Variants in TPO observed in about 807,000 individuals in gnomAD.
TPO encodes the protein thyroid microsomal antigen.
TPO carries 78 observed loss-of-function variants against 96.9 expected under a neutral mutation model. The observed-to-expected ratio is 0.81, with a 90% CI of 0.67 to 0.97. The LOEUF is 0.97. Among genes scored for constraint, TPO ranks in the 50% least tolerant of loss-of-function variants. The probability of loss-of-function intolerance (pLI) is 0.00; values close to 1 mark genes in which losing one functional copy is unlikely to be tolerated. For missense variants in TPO, 1,252 were observed against 1,274.8 expected (o/e 0.98, Z 0.27); for synonymous variants, 547 against 538.0 (o/e 1.02, Z -0.23).
intron 2 of TPO, among the ~76,000 whole-genome samples, chr2:1,421,631 C>T (rs1255116671): frequency 6.6e-6 from 1 of 152,200 alleles, no homozygotes; most frequent in Admixed American, 6.5e-5. Context: ...TGGGCAGTTG[C>T]AGTGGGTTTA....
At chr2:1,537,064 G>C (rs867085328) in intron 15 of TPO, among the ~76,000 whole-genome samples, 223 of 16,264 alleles carry the variant, frequency 0.014, 3 homozygotes, top group African/African-American at 0.018. Context: ...CCAAATCCCT[G>C]CCACTGTGTG....
At chr2:1,444,688 A>G (rs1259195722) in intron 5 of TPO, among the ~76,000 whole-genome samples, 2 of 19,194 alleles carry the variant, frequency 1.0e-4, no homozygotes, top group African/African-American at 3.0e-4. Context: ...AGGAGGCACC[A>G]TGTTGGAAGG....
At chr2:1,507,604 C>G (rs1673611194) in intron 14 of TPO, among the ~76,000 whole-genome samples, 2 of 151,576 alleles carry the variant, frequency 1.3e-5, no homozygotes, top group Non-Finnish European at 2.9e-5. Context: ...CTTCACATCC[C>G]TTGTAAGTTG....
chr2:1,497,889 G>A (rs1672512092), intron 13 of TPO, among the ~76,000 whole-genome samples: 1 of 150,516 alleles, frequency 6.6e-6, no homozygotes, highest in Non-Finnish European at 1.5e-5. Flanking sequence ...TTCAGAAGAT[G>A]AAAGAGTCCT....
At chr2:1,463,015 T>C (rs1668587049) in intron 7 of TPO, among the ~76,000 whole-genome samples, 1 of 152,266 alleles carries the variant, frequency 6.6e-6, no homozygotes, top group Non-Finnish European at 1.5e-5. Flanking sequence ...TTATTGAGCA[T>C]ATATTATCTT....
intron 10 of TPO, among the ~76,000 whole-genome samples, chr2:1,492,401 C>T (rs936074861): frequency 2.0e-5 from 3 of 152,130 alleles, no homozygotes; most frequent in East Asian, 1.9e-4. Flanking sequence ...GCAATCCGCC[C>T]GCCTCGGCCT....
intron 8 of TPO, among the ~76,000 whole-genome samples, chr2:1,481,927 G>A (rs1030621986): frequency 3.9e-5 from 6 of 152,180 alleles, no homozygotes; most frequent in African/African-American, 1.2e-4. Context: ...GCCCAGGTGC[G>A]CCATGCTGCA....
intron 4 of TPO, among the ~76,000 whole-genome samples, chr2:1,433,900 AT>A (rs1460652824): frequency 6.6e-6 from 1 of 152,182 alleles, no homozygotes; most frequent in Non-Finnish European, 1.5e-5. Context: ...TAATTTAGGA[AT>A]TTTCCCATAG....
chr2:1,476,205 T>G (rs1442224355), intron 7 of TPO, among the ~76,000 whole-genome samples: 1 of 152,188 alleles, frequency 6.6e-6, no homozygotes, highest in Non-Finnish European at 1.5e-5. Flanking sequence ...AGGAAGAGTC[T>G]CTTTCGGAAT....
At chr2:1,541,078 G>T in intron 16 of TPO, 1 of 1,227,796 alleles carries the variant, frequency 8.1e-7, no homozygotes, top group South Asian at 1.6e-5. Context: ...TTTTTAAGTG[G>T]AATAGTTATA....
At chr2:1,496,399 A>G (rs1447922648) in intron 12 of TPO, among the ~76,000 whole-genome samples, 196 bp from the exon 13 acceptor site, 1 of 152,074 alleles carries the variant, frequency 6.6e-6, no homozygotes, top group Non-Finnish European at 1.5e-5. Context: ...GGAGGCCTAG[A>G]GAAAGGGAGC....
chr2:1,453,807 G>A lies in TPO; in HGVS notation c.596G>A (p.Gly199Glu), dbSNP rs1345431298. The change falls in exon 6 of 17, where the codon GGG becomes GAG. Residue 199 changes from glycine (G) to glutamate (E), a missense_variant. Coordinates refer to ENST00000329066, the MANE Select transcript of TPO (RefSeq NM_001206744.2). ...RGWNPGFLYN[G>E]FPLPPVREVT... Reference sequence around the variant, plus strand: ...TGGAACCCCGGCTTCTTGTACAACGGGTTCCCACTGCCCCCGGTGGGTACT... The same window carrying A: ...TGGAACCCCGGCTTCTTGTACAACGAGTTCCCACTGCCCCCGGTGGGTACT... 1.2e-6 allele frequency: 2 copies of A among 1,613,786 alleles called. No individual in the cohort carries two copies. The highest frequency in any genetic ancestry group is 1.1e-5 in the South Asian group (1 of 91,084).
In TPO at chr2:1,512,706, G is replaced by A. The variant is rs544499224; in HGVS notation, c.2519-4177G>A. On this transcript the variant is annotated intron_variant, in intron 14 of 16. Coordinates refer to ENST00000329066, the MANE Select transcript of TPO (RefSeq NM_001206744.2). ...TCCCTGGCTGTGACTCAGGCCCTCC[G>A]GAGGCACTGGGCCAGGCCGCCGGTG... Among the ~76,000 whole-genome samples, 9 of 152,290 alleles carry A rather than the reference G, an allele frequency of 5.9e-5. No individual in the cohort carries two copies. The South Asian group carries it at 8.3e-4, about 14-fold the overall frequency.
At chr2:1,457,260 C>CAT (rs1197671127) in intron 7 of TPO, among the ~76,000 whole-genome samples, 1 of 72,692 alleles carries the variant, frequency 1.4e-5, no homozygotes, top group East Asian at 4.4e-4. Flanking sequence ...TGTGGGTACA[C>CAT]ATATATAGCA....
chr2:1,432,642 TGCAG>T (rs1665120208), intron 3 of TPO, among the ~76,000 whole-genome samples: 1 of 102,856 alleles, frequency 9.7e-6, no homozygotes, highest in Admixed American at 9.9e-5. Flanking sequence ...AGGGGAGGCC[TGCAG>T]GTGAGGAGAG....
At chr2:1,512,179 G>A (rs11683140) in intron 14 of TPO, among the ~76,000 whole-genome samples, 10,177 of 152,068 alleles carry the variant, frequency 0.067, 413 homozygotes, top group East Asian at 0.13. Flanking sequence ...GACTACAGGC[G>A]CCCGCCACCA....
At chr2:1,479,184 G>A (rs569573118) in intron 8 of TPO, among the ~76,000 whole-genome samples, 3 of 152,310 alleles carry the variant, frequency 2.0e-5, no homozygotes, top group African/African-American at 4.8e-5. Flanking sequence ...CTGGACTTCC[G>A]GCCACACGCG....
rs749302737 is a variant in TPO at position 1,540,911 on chromosome 2, C to T, written c.2748+188C>T. 1.0e-5 allele frequency: 16 copies of T among 1,541,670 alleles called. No homozygotes were observed. The South Asian group carries it at 1.2e-4, about 12-fold the overall frequency. On this transcript the variant is annotated intron_variant, in intron 16 of 16. Coordinates refer to ENST00000329066, the MANE Select transcript of TPO (RefSeq NM_001206744.2). ...GACAGTGAGCCAGAATGTGAGCCTGCTTAGTGAGAGGAATGAAGATGCCTT... is the reference window on the plus strand; with the variant it reads ...GACAGTGAGCCAGAATGTGAGCCTGTTTAGTGAGAGGAATGAAGATGCCTT...
intron 7 of TPO, among the ~76,000 whole-genome samples, chr2:1,460,807 T>A (rs1193647455): frequency 6.6e-6 from 1 of 151,956 alleles, no homozygotes; most frequent in East Asian, 1.9e-4. Context: ...TGTGTGGAGG[T>A]TGGGCTCCCC....
Sources: gnomAD v4.1 joint callset for allele counts (sites outside exome capture counted in the v4.1 genomes callset) on GRCh38, gnomAD v4.1.1 for gene constraint, MANE v1.5 for transcripts, NCBI Gene and HGNC (gene_info 2026-07-23, HGNC 2026-07-21) for gene names.